Variants in USP26 observed in about 807,000 individuals in gnomAD.
The protein encoded by USP26 is ubiquitin specific peptidase 26.
For synonymous variants in USP26, 236 were observed against 240.6 expected, an observed-to-expected ratio of 0.98 and a Z score of 0.18; for missense variants, 649 against 642.3, an observed-to-expected ratio of 1.01 and a Z score of -0.11.
At position 133,096,071 on chromosome X, in the gene USP26, T is replaced by G. The variant is rs1054516321; in HGVS notation, c.-393+959A>C. On this transcript the variant is annotated intron_variant, in intron 1 of 5. Coordinates refer to ENST00000511190, the MANE Select transcript of USP26 (RefSeq NM_031907.3). The stretch of plus-strand genomic sequence containing the variant: ...AATTTTTTTTTTTTTTTTTTTTTTT[T>G]TTTTTTTGTAGAAATGAGGTCTCCC... Among the ~76,000 whole-genome samples the G allele has an allele frequency of 6.4e-3, 539 of 84,306 alleles. 1 individual carries two copies. Among genetic ancestry groups the G allele is most frequent in the South Asian group, 0.028 (40 of 1,454 alleles). 73.2% of individuals were successfully genotyped at this position (84,306 alleles called of 115,157 possible). A position where few individuals can be genotyped will look rare whatever the true frequency, so the allele number is the denominator to read the frequency against.
At chrX:133,030,117 C>T (rs775106182) in intron 5 of USP26, among the ~76,000 whole-genome samples, 14 of 111,973 alleles carry the variant, frequency 1.3e-4, no homozygotes, top group Non-Finnish European at 3.8e-5. Flanking sequence ...TTCTCACCCC[C>T]ACACCAGATT....
chrX:133,032,105 T>C (rs2067379184), intron 5 of USP26, among the ~76,000 whole-genome samples: 1 of 111,232 alleles, frequency 9.0e-6, no homozygotes, highest in Non-Finnish European at 1.9e-5. Context: ...GCCGAGTTCA[T>C]GCCACTGCAC....
intron 1 of USP26, among the ~76,000 whole-genome samples, 181 bp from the exon 2 acceptor site, chrX:133,091,624 A>G (rs1044784435): frequency 7.2e-5 from 8 of 111,804 alleles, no homozygotes; most frequent in Non-Finnish European, 1.3e-4. Flanking sequence ...TGAAAGGAAC[A>G]GGTTGTAGAA....
intron 5 of USP26, among the ~76,000 whole-genome samples, chrX:133,079,540 T>C (rs1230992326): frequency 9.0e-6 from 1 of 111,706 alleles, no homozygotes; most frequent in African/African-American, 3.3e-5. Flanking sequence ...GAATAAAAGA[T>C]CTTGAAGACC....
chrX:133,052,196 A>T (rs1569510254), intron 5 of USP26, among the ~76,000 whole-genome samples: 1 of 112,301 alleles, frequency 8.9e-6, no homozygotes, highest in Admixed American at 9.4e-5. Context: ...GAATTTACTG[A>T]GTCCAAGATG....
intron 5 of USP26, among the ~76,000 whole-genome samples, chrX:133,082,418 T>C (rs1462565370): frequency 8.9e-6 from 1 of 112,054 alleles, no homozygotes; most frequent in African/African-American, 3.2e-5. Flanking sequence ...TTAAAGCCTT[T>C]TAGTGCTCTC....
At chrX:133,071,240 T>C (rs2067529391) in intron 5 of USP26, among the ~76,000 whole-genome samples, 1 of 109,760 alleles carries the variant, frequency 9.1e-6, no homozygotes, top group Non-Finnish European at 1.9e-5. Flanking sequence ...TAATAATACA[T>C]AAATAAATGG....
chrX:133,050,925 T>C (rs2067456928), intron 5 of USP26, among the ~76,000 whole-genome samples: 1 of 112,316 alleles, frequency 8.9e-6, no homozygotes, highest in Admixed American at 9.4e-5. Context: ...TTTTATTTAA[T>C]TTTTAATTTA....
At chrX:133,034,976 TAC>T (rs1454630960) in intron 5 of USP26, among the ~76,000 whole-genome samples, 5 of 112,139 alleles carry the variant, frequency 4.5e-5, no homozygotes, top group African/African-American at 6.5e-5. Flanking sequence ...GAAAATCATT[TAC>T]AAAAGATTTC....
At chrX:133,081,132 C>A (rs1274679921) in intron 5 of USP26, among the ~76,000 whole-genome samples, 1 of 110,482 alleles carries the variant, frequency 9.1e-6, no homozygotes, top group African/African-American at 3.3e-5. Context: ...TTTGAGCTAT[C>A]ATTTTGCAGG....
At chrX:133,096,824 G>A (rs1397493807) in intron 1 of USP26, among the ~76,000 whole-genome samples, 1 of 111,840 alleles carries the variant, frequency 8.9e-6, no homozygotes, top group African/African-American at 3.3e-5. Flanking sequence ...AAACCCAGGA[G>A]GCGGAGGTTG....
chrX:133,077,349 A>G lies in USP26; in HGVS notation c.-77+6358T>C, dbSNP rs776696444. ...GCCCAATGTTAAATATAATCCTCCT[A>G]TATTTTACCTACCCTAATCTGTGAG... On this transcript the variant is annotated intron_variant, in intron 5 of 5. Transcript: ENST00000511190. 1.3e-3 allele frequency among the ~76,000 whole-genome samples: 145 copies of G among 111,957 alleles called. 3 individuals are homozygous for G. Among genetic ancestry groups the G allele is most frequent in the Non-Finnish European group, 9.0e-4 (48 of 53,218 alleles).
intron 5 of USP26, among the ~76,000 whole-genome samples, chrX:133,062,037 A>G (rs1174717394): frequency 8.9e-6 from 1 of 111,788 alleles, no homozygotes; most frequent in Non-Finnish European, 1.9e-5. Context: ...CAGCCAGCAC[A>G]GCAGTCTGAA....
chrX:133,078,995 A>T (rs1489252818), intron 5 of USP26, among the ~76,000 whole-genome samples: 1 of 112,236 alleles, frequency 8.9e-6, no homozygotes, highest in Non-Finnish European at 1.9e-5. Flanking sequence ...ATTCAAATGA[A>T]CAGCAAACAG....
chrX:133,038,101 G>A (rs1043145236), intron 5 of USP26, among the ~76,000 whole-genome samples: 1 of 110,995 alleles, frequency 9.0e-6, no homozygotes, highest in Non-Finnish European at 1.9e-5. Context: ...ATACAATCAT[G>A]TCTGCAAACA....
intron 5 of USP26, among the ~76,000 whole-genome samples, chrX:133,068,879 G>A (rs1037948906): frequency 1.2e-4 from 13 of 112,012 alleles, no homozygotes; most frequent in African/African-American, 3.6e-4. Flanking sequence ...TTATCAAGGC[G>A]GTTATTTTGG....
Position 133,028,062 on chromosome X carries a change from A to G in USP26, c.159T>C (p.Ser53=), listed in dbSNP as rs1274655000. The G allele has an allele frequency of 8.3e-7, 1 of 1,209,062 alleles. No homozygotes were observed. The highest frequency in any genetic ancestry group is 1.7e-5 in the African/African-American group (1 of 57,171). The change falls in exon 6 of 6, where the codon AGT becomes AGC. Residue 53 remains serine (S), a synonymous_variant. Transcript: ENST00000511190. ...TAAGGACTACATTTTGAATATTATC[A>G]CTTAGCCGAAAAGTGCTATATTTTC... is the stretch of plus-strand genomic sequence containing the variant. ...KSGKYSTFRL[S]DNIQNVVLKS...
Position 133,026,795 on chromosome X carries a change from G to C in USP26, c.1426C>G (p.Pro476Ala). Residue 476 changes from proline (P) to alanine (A), a missense_variant, in exon 6 of 6, where the codon CCT (proline) becomes GCT (alanine). Coordinates refer to ENST00000511190, the MANE Select transcript of USP26 (RefSeq NM_031907.3). ...TCAAAAGTAGACTGAATAGATGAAG[G>C]ATGTGCTTTTATTCTTTGGGGAAGG... Reference protein sequence around the residue: ...INLPQRIKAHPSSIQSTFDLF... With the variant: ...INLPQRIKAHASSIQSTFDLF... 8.3e-7 allele frequency: 1 copy of C among 1,211,160 alleles called. No individual in the cohort carries two copies. Among genetic ancestry groups the C allele is most frequent in the Non-Finnish European group, 1.1e-6 (1 of 895,323 alleles).
chrX:133,083,134 G>A (rs927484603), intron 5 of USP26, among the ~76,000 whole-genome samples: 2 of 111,900 alleles, frequency 1.8e-5, no homozygotes. Context: ...GGGAGGAGGC[G>A]AGGAGCAGAC....
Sources: allele counts gnomAD v4.1 joint callset (sites outside exome capture counted in the v4.1 genomes callset), GRCh38; gene constraint gnomAD v4.1.1; transcripts MANE v1.5; gene names NCBI Gene and HGNC (gene_info 2026-07-23, HGNC 2026-07-21).